The following ATP11A variants were observed in gnomAD, a reference collection of about 807,000 sequenced individuals.
ATP11A encodes ATPase phospholipid transporting 11A.
ATP11A carries 81 observed loss-of-function variants against 154.4 expected under a neutral mutation model. That is an observed-to-expected ratio of 0.52 (90% CI 0.44 to 0.63). ATP11A has a LOEUF of 0.63. Ranked by LOEUF, ATP11A falls within the 30% of genes least tolerant of loss-of-function variation. The pLI, the probability that ATP11A is intolerant of heterozygous loss-of-function variation, is 0.00. For missense variants in ATP11A, 1,316 were observed against 1,474.3 expected (o/e 0.89, Z 1.76); for synonymous variants, 623 against 585.9 (o/e 1.06, Z -0.91).
intron 13 of ATP11A, among the ~76,000 whole-genome samples, chr13:112,832,253 G>C (rs1010355572): frequency 6.6e-6 from 1 of 152,228 alleles, no homozygotes; most frequent in Non-Finnish European, 1.5e-5. Context: ...CCGCACACAG[G>C]GCAGCCTCGG....
chr13:112,712,524 G>T (rs929592326), intron 1 of ATP11A, among the ~76,000 whole-genome samples: 1 of 152,142 alleles, frequency 6.6e-6, no homozygotes, highest in Non-Finnish European at 1.5e-5. Flanking sequence ...ACCCCGTCCT[G>T]TCCTTGTCTA....
intron 1 of ATP11A, among the ~76,000 whole-genome samples, chr13:112,756,750 G>A (rs1371009714): frequency 6.6e-6 from 1 of 151,914 alleles, no homozygotes. Flanking sequence ...GGCAGCCTGT[G>A]TGGTGTCTGA....
rs2079314036 is a variant in ATP11A, at chr13:112,838,896, G to A, written c.1705+2645G>A. On this transcript the variant is annotated intron_variant, in intron 16 of 29. Coordinates refer to ENST00000375645, the MANE Select transcript of ATP11A (RefSeq NM_015205.3). The surrounding 1 kb of genome is among the most constrained non-coding windows in gnomAD (Gnocchi z 7.3). ...GGAGAGGTTCACTAATTGCACTGGA[G>A]TTCTCCCTGCTGGGCGGGGAGACCC... Among the ~76,000 whole-genome samples the A allele has an allele frequency of 6.6e-6, 1 of 152,212 alleles. No homozygotes were observed. Among genetic ancestry groups the A allele is most frequent in the South Asian group, 2.1e-4 (1 of 4,834 alleles).
At chr13:112,766,304 C>T (rs1034161828) in intron 1 of ATP11A, among the ~76,000 whole-genome samples, 16 of 152,170 alleles carry the variant, frequency 1.1e-4, no homozygotes, top group African/African-American at 2.9e-4. Flanking sequence ...ATTTCTGTCT[C>T]TAGTAATAAG....
At chr13:112,820,651 T>A (rs2078774624) in intron 8 of ATP11A, among the ~76,000 whole-genome samples, 1 of 152,262 alleles carries the variant, frequency 6.6e-6, no homozygotes, top group African/African-American at 2.4e-5. Flanking sequence ...GGATATTTTC[T>A]CTGACATTAT....
chr13:112,761,829 A>ATTCT (rs1433355572), intron 1 of ATP11A, among the ~76,000 whole-genome samples: 1 of 152,180 alleles, frequency 6.6e-6, no homozygotes, highest in African/African-American at 2.4e-5. Context: ...ACTGTGGCTC[A>ATTCT]TTCTAGCTGT....
Position 112,844,797 on chromosome 13 carries a change from T to TGGTCCTAACCAGTCCAGTTGCCGGGC in ATP11A, c.1809+2418_1809+2419insGGTCCTAACCAGTCCAGTTGCCGGGC, listed in dbSNP as rs1465849786. Among the ~76,000 whole-genome samples, 255 of 123,890 alleles carry TGGTCCTAACCAGTCCAGTTGCCGGGC rather than the reference T, an allele frequency of 2.1e-3. 4 individuals carry two copies. The highest frequency in any genetic ancestry group is 0.011 in the African/African-American group (246 of 22,340). The allele number at this position is 123,890 out of a possible 152,430, so 81.3% of individuals were successfully genotyped here. Reference sequence around the variant, plus strand: ...TACTAACCAGTCCAGTTGCCGGGTGTTAGTGGTACTAACCAGTCCAGTTGC... The same window carrying TGGTCCTAACCAGTCCAGTTGCCGGGC: ...TACTAACCAGTCCAGTTGCCGGGTGTGGTCCTAACCAGTCCAGTTGCCGGGCTAGTGGTACTAACCAGTCCAGTTGC... On this transcript the variant is annotated intron_variant, in intron 17 of 29. Transcript: ENST00000375645.
chr13:112,690,448 A>G lies in ATP11A; in HGVS notation c.32A>G (p.His11Arg). 1 of 1,357,614 alleles carries G rather than the reference A, an allele frequency of 7.4e-7. No homozygotes were observed. Among genetic ancestry groups the G allele is most frequent in the Non-Finnish European group, 9.5e-7 (1 of 1,052,790 alleles). 84.1% of individuals were successfully genotyped at this position (1,357,614 alleles called of 1,614,324 possible). ...TGCAGCCTCGTGCGGACGCTCGTGC[A>G]CAGATACGTGAGTGCTCCCGGCGCG... MDCSLVRTLVHRYCAGEENWV... is the reference protein window; with the variant it reads MDCSLVRTLVRRYCAGEENWV... Residue 11 changes from histidine (H) to arginine (R), a missense_variant, in exon 1 of 30, where the codon CAC (histidine) becomes CGC (arginine). Physicochemically the swap from His to Arg is conservative, Grantham distance 29. This residue lies in a region of ATP11A where 123 missense variants were observed against 113.7 expected (regional missense o/e 1.08). Coordinates refer to ENST00000375645, the MANE Select transcript of ATP11A (RefSeq NM_015205.3). The surrounding 1 kb of genome is among the most constrained non-coding windows in gnomAD (Gnocchi z 5.6).
At chr13:112,693,974 A>G (rs1885500586) in intron 1 of ATP11A, among the ~76,000 whole-genome samples, 2 of 152,188 alleles carry the variant, frequency 1.3e-5, no homozygotes, top group African/African-American at 4.8e-5. Flanking sequence ...AGTATTTTTA[A>G]CAGCATGGAT....
intron 2 of ATP11A, among the ~76,000 whole-genome samples, chr13:112,799,833 C>T (rs535929994): frequency 1.3e-5 from 2 of 152,132 alleles, no homozygotes; most frequent in Non-Finnish European, 2.9e-5. Flanking sequence ...AGAAATCATA[C>T]CAAGTACTCT....
At position 112,810,930 on chromosome 13, in the gene ATP11A, G is replaced by A. The variant is rs142154001; in HGVS notation, c.441+204G>A. On this transcript the variant is annotated intron_variant, in intron 5 of 29. Coordinates refer to ENST00000375645, the MANE Select transcript of ATP11A (RefSeq NM_015205.3). The stretch of plus-strand genomic sequence containing the variant: ...CCACTGCTCTCCAGCCTGGGCAACC[G>A]AGAAAGACCCTGTCTCTTAAACATT... Among the ~76,000 whole-genome samples the A allele has an allele frequency of 1.5e-3, 228 of 152,188 alleles. 5 individuals are homozygous for A. In the East Asian group the frequency reaches 0.027, roughly 18 times the overall value.
At chr13:112,842,519 C>A in intron 17 of ATP11A, 140 bp downstream of exon 17, 1 of 727,886 alleles carries the variant, frequency 1.4e-6, no homozygotes, top group South Asian at 1.7e-5. Context: ...GGGCCAGAGG[C>A]AGACAGACAG....
chr13:112,798,505 CA>C (rs1384881601), intron 2 of ATP11A, among the ~76,000 whole-genome samples: 1 of 152,114 alleles, frequency 6.6e-6, no homozygotes, highest in Non-Finnish European at 1.5e-5. Flanking sequence ...GGTGATTGCT[CA>C]GGGGTGAATG....
chr13:112,769,778 GAGGCACCGTGA>G (rs1275121315), intron 1 of ATP11A, among the ~76,000 whole-genome samples: 3 of 152,220 alleles, frequency 2.0e-5, no homozygotes, highest in African/African-American at 4.8e-5. Flanking sequence ...TGTCCTGAGA[GAGGCACCGTGA>G]AGGCACCGTG....
chr13:112,857,618 T>G (rs571813041), intron 20 of ATP11A, among the ~76,000 whole-genome samples, 200 bp from the exon 21 acceptor site: 2 of 152,236 alleles, frequency 1.3e-5, no homozygotes, highest in South Asian at 4.1e-4. Context: ...TCTTTTACTT[T>G]ATTTTGTTTT....
In ATP11A at chr13:112,862,567, A is replaced by G; in HGVS notation, c.2983A>G (p.Asn995Asp). The change falls in exon 25 of 30, where the codon AAC becomes GAC. Residue 995 changes from asparagine to aspartate, a missense_variant. Physicochemically the swap from Asn to Asp is conservative, Grantham distance 23 (BLOSUM62 1). This residue lies in a region of ATP11A where 294 missense variants were observed against 290.2 expected (regional missense o/e 1.01). Transcript: ENST00000375645. The stretch of plus-strand genomic sequence containing the variant: ...GTTTGAAAATACAACTGTGACAAGC[A>G]ACGGGCAGGTCAGTACAGAGCTCGA... Reference protein sequence around the residue: ...FVFENTTVTSNGQIFGNWTFG... With the variant: ...FVFENTTVTSDGQIFGNWTFG... The G allele has an allele frequency of 6.2e-7, 1 of 1,614,210 alleles. No individual in the cohort carries two copies. Among genetic ancestry groups the G allele is most frequent in the Non-Finnish European group, 8.5e-7 (1 of 1,180,016 alleles).
Position 112,842,330 on chromosome 13 carries a change from T to C in ATP11A, c.1760T>C (p.Ile587Thr), listed in dbSNP as rs1238453990. Residue 587 changes from isoleucine (I) to threonine (T), a missense_variant, in exon 17 of 30, where the codon ATA becomes ACA. By Grantham distance (89) the Ile-to-Thr change is moderately conservative (BLOSUM62 -1). Transcript: ENST00000375645. ...GADSSIFPRV[I>T]EGKVDQIRAR... is the part of the protein sequence containing the mutation. ...GATTCTTCGATATTCCCCCGAGTGATAGAAGGCAAAGTTGACCAGATCCGA... is the reference window on the plus strand; with the variant it reads ...GATTCTTCGATATTCCCCCGAGTGACAGAAGGCAAAGTTGACCAGATCCGA... The C allele has an allele frequency of 2.5e-6, 4 of 1,612,068 alleles. No individual in the cohort carries two copies. The highest frequency in any genetic ancestry group is 2.2e-5 in the East Asian group (1 of 44,874).
chr13:112,832,709 C>G, intron 13 of ATP11A, 151 bp from the exon 14 acceptor site: 1 of 771,128 alleles, frequency 1.3e-6, no homozygotes, highest in South Asian at 1.9e-5. Flanking sequence ...GTAATTCCAT[C>G]CCACTGTATA....
chr13:112,769,576 G>A lies in ATP11A; in HGVS notation c.40-15559G>A, dbSNP rs528982066. ...AGTTCTCCCAACTTCCCCAGAGCCG[G>A]CCCATAGCTCAGTCATGTGAACCTC... On this transcript the variant is annotated intron_variant, in intron 1 of 29. Coordinates refer to ENST00000375645, the MANE Select transcript of ATP11A (RefSeq NM_015205.3). Among the ~76,000 whole-genome samples, 5 of 152,332 alleles carry A rather than the reference G, an allele frequency of 3.3e-5. No individual in the cohort carries two copies. The East Asian group carries it at 9.6e-4, about 29-fold the overall frequency.
Sources: allele counts gnomAD v4.1 joint callset (sites outside exome capture counted in the v4.1 genomes callset), GRCh38; gene constraint gnomAD v4.1.1; regional missense constraint gnomAD v4.1.1; non-coding constraint Gnocchi (gnomAD v3.1); transcripts MANE v1.5; gene names NCBI Gene and HGNC (gene_info 2026-07-23, HGNC 2026-07-21).